Variants in NEURL1 observed in about 807,000 individuals in gnomAD.
The protein encoded by NEURL1 is neuralized E3 ubiquitin protein ligase 1.
A neutral mutation model predicts 41.2 loss-of-function variants in NEURL1; 26 were observed. The observed-to-expected ratio is 0.63, with a 90% CI of 0.46 to 0.87. NEURL1 has a LOEUF of 0.87. Ranked by LOEUF, NEURL1 falls within the 40% of genes least tolerant of loss-of-function variation. The pLI is 0.00. For synonymous variants in NEURL1, 400 were observed against 402.3 expected (o/e 0.99, Z 0.07); for missense variants, 761 against 871.1 (o/e 0.87, Z 1.59).
chr10:103,506,956 A>C (rs1024408472), intron 1 of NEURL1, among the ~76,000 whole-genome samples: 4 of 152,224 alleles, frequency 2.6e-5, no homozygotes, highest in Non-Finnish European at 5.9e-5. Context: ...GGCAGGTACC[A>C]AGCACAGGCA....
chr10:103,518,279 T>C (rs2034263273), intron 1 of NEURL1, among the ~76,000 whole-genome samples: 1 of 152,128 alleles, frequency 6.6e-6, no homozygotes, highest in Non-Finnish European at 1.5e-5. Flanking sequence ...TTGTGTAATA[T>C]GTATAGTATG....
chr10:103,494,285 C>T lies in NEURL1; in HGVS notation c.-103C>T. 1.1e-6 allele frequency: 1 copy of T among 918,122 alleles called. No individual in the cohort carries two copies. The highest frequency in any genetic ancestry group is 1.6e-6 in the Non-Finnish European group (1 of 624,058). The allele number at this position is 918,122 out of a possible 1,614,324, so 56.9% of individuals were successfully genotyped here. ...GGCTGCAGCCCCAGCAGGGCCCTCCCCCGGTGGCGCGCACCCGCGCGCGCA... is the reference window on the plus strand; with the variant it reads ...GGCTGCAGCCCCAGCAGGGCCCTCCTCCGGTGGCGCGCACCCGCGCGCGCA... On this transcript the variant is annotated 5_prime_UTR_variant, in exon 1 of 6. Coordinates refer to ENST00000369780, the MANE Select transcript of NEURL1 (RefSeq NM_004210.5).
intron 1 of NEURL1, among the ~76,000 whole-genome samples, chr10:103,534,540 A>C (rs140680229): frequency 1.3e-5 from 2 of 152,268 alleles, no homozygotes; most frequent in East Asian, 3.9e-4. Context: ...ATCAGCAATA[A>C]CTGTGAGCAC....
chr10:103,584,924 TGGCGCGCGGCCC>T lies in NEURL1; in HGVS notation c.1046_1057del (p.Arg349_Ala352del), dbSNP rs761346652. The T allele has an allele frequency of 1.4e-6, 2 of 1,452,182 alleles. No homozygotes were observed. The highest frequency in any genetic ancestry group is 3.0e-5 in the East Asian group (1 of 32,886). 90.0% of individuals were successfully genotyped at this position (1,452,182 alleles called of 1,614,324 possible). A position where few individuals can be genotyped will look rare whatever the true frequency, so the allele number is the denominator to read the frequency against. ...TCTTCGTCAAGGTCACGCGCTCGGG[TGGCGCGCGGCCC>T]GGCGCGCTGTCGTTCGGCGTCACCA... On this transcript the variant is annotated inframe_deletion, in exon 4 of 6. Coordinates refer to ENST00000369780, the MANE Select transcript of NEURL1 (RefSeq NM_004210.5).
intron 3 of NEURL1, among the ~76,000 whole-genome samples, chr10:103,581,366 C>T (rs979329626): frequency 6.6e-6 from 1 of 152,194 alleles, no homozygotes; most frequent in African/African-American, 2.4e-5. Flanking sequence ...ATGACTGTGC[C>T]AGGTCTCCTA....
intron 1 of NEURL1, among the ~76,000 whole-genome samples, chr10:103,565,796 G>T (rs1351052994): frequency 6.6e-6 from 1 of 152,114 alleles, no homozygotes; most frequent in Non-Finnish European, 1.5e-5. Context: ...GACTGCAGGT[G>T]TACACCACCA....
At chr10:103,495,206 A>G (rs1166235711) in intron 1 of NEURL1, among the ~76,000 whole-genome samples, 4 of 152,078 alleles carry the variant, frequency 2.6e-5, no homozygotes, top group Non-Finnish European at 5.9e-5. Flanking sequence ...TGGATCTTCC[A>G]ATGCTGTCTC....
intron 3 of NEURL1, among the ~76,000 whole-genome samples, chr10:103,578,638 G>A (rs931064978): frequency 2.6e-5 from 4 of 152,196 alleles, no homozygotes; most frequent in Admixed American, 2.0e-4. Context: ...ATGAGATCCC[G>A]TGGCTTGAAG....
chr10:103,529,553 T>G (rs1411025670), intron 1 of NEURL1, among the ~76,000 whole-genome samples: 1 of 152,240 alleles, frequency 6.6e-6, no homozygotes, highest in African/African-American at 2.4e-5. Flanking sequence ...AGTCAAAGCC[T>G]TGGTAAAAGA....
Position 103,584,732 on chromosome 10 carries a change from C to T in NEURL1, c.846C>T (p.His282=). 1 of 1,467,276 alleles carries T rather than the reference C, an allele frequency of 6.8e-7. No individual in the cohort carries two copies. The highest frequency in any genetic ancestry group is 9.0e-7 in the Non-Finnish European group (1 of 1,115,118). 90.9% of individuals were successfully genotyped at this position (1,467,276 alleles called of 1,614,324 possible). A position where few individuals can be genotyped will look rare whatever the true frequency, so the allele number is the denominator to read the frequency against. ...CGCAGAACTCACTCAACTCGCAGCA[C>T]AGCCGCGCGCTGCCGGCGCAGCTCG... ...PIPQNSLNSQ[H]SRALPAQLDG... The change falls in exon 4 of 6, where the codon CAC becomes CAT. Residue 282 remains histidine, a synonymous_variant. Transcript: ENST00000369780.
At chr10:103,526,986 G>T (rs957223043) in intron 1 of NEURL1, among the ~76,000 whole-genome samples, 4 of 151,608 alleles carry the variant, frequency 2.6e-5, no homozygotes, top group Non-Finnish European at 5.9e-5. Context: ...CAAAAGAATG[G>T]CTACTGCATA....
Position 103,558,444 on chromosome 10 carries a change from G to A in NEURL1, c.86-12428G>A, listed in dbSNP as rs942344836. Among the ~76,000 whole-genome samples, 1 of 151,950 alleles carries A rather than the reference G, an allele frequency of 6.6e-6. No individual in the cohort carries two copies. The highest frequency in any genetic ancestry group is 2.4e-5 in the African/African-American group (1 of 41,342). ...TGGATTGAAGCGACTGTGTGTTGCC[G>A]GGCCTGTGTTTCCATGCGGGGGCAG... is the stretch of plus-strand genomic sequence containing the variant. On this transcript the variant is annotated intron_variant, in intron 1 of 5. Transcript: ENST00000369780. The surrounding 1 kb of genome is among the most constrained non-coding windows in gnomAD (Gnocchi z 4.2).
rs1459718668 is a variant in NEURL1, at chr10:103,494,395, A to C, written c.8A>C (p.Asn3Thr). ...CTCCTGGGGCCGGATGCCATGGGTA[A>C]CAACTTCTCCAGTATCCCCTCGCTG... MG[N>T]NFSSIPSLPR... Residue 3 changes from asparagine (N) to threonine (T), a missense_variant, in exon 1 of 6, where the codon AAC becomes ACC. This residue lies in a region of NEURL1 where 94 missense variants were observed against 96.6 expected (regional missense o/e 0.97). Transcript: ENST00000369780. The C allele has an allele frequency of 1.3e-6, 2 of 1,592,202 alleles. No homozygotes were observed. Among genetic ancestry groups the C allele is most frequent in the Non-Finnish European group, 1.7e-6 (2 of 1,169,740 alleles).
Position 103,581,488 on chromosome 10 carries a change from G to A in NEURL1, c.650-3048G>A, listed in dbSNP as rs77520531. On this transcript the variant is annotated intron_variant, in intron 3 of 5. Coordinates refer to ENST00000369780, the MANE Select transcript of NEURL1 (RefSeq NM_004210.5). ...TAGATGCTGATTTCACTGCTGAAGA[G>A]GCCCCAAGAAGTTCAGCTATTTGTC... 8.7e-3 allele frequency among the ~76,000 whole-genome samples: 1,326 copies of A among 152,264 alleles called. 19 individuals carry two copies. The highest frequency in any genetic ancestry group is 0.03 in the African/African-American group (1,247 of 41,548).
intron 4 of NEURL1, among the ~76,000 whole-genome samples, chr10:103,587,933 A>C (rs1237927320): frequency 6.6e-6 from 1 of 152,216 alleles, no homozygotes; most frequent in Non-Finnish European, 1.5e-5. Context: ...AAAAGATCTC[A>C]TTGGGCACTT....
intron 1 of NEURL1, among the ~76,000 whole-genome samples, chr10:103,565,228 T>A (rs1182913769): frequency 6.6e-6 from 1 of 152,036 alleles, no homozygotes; most frequent in Non-Finnish European, 1.5e-5. Context: ...GAGCCCACAG[T>A]CCATGGCAGG....
chr10:103,523,604 C>G (rs1016483929), intron 1 of NEURL1, among the ~76,000 whole-genome samples: 6 of 152,154 alleles, frequency 3.9e-5, no homozygotes, highest in African/African-American at 1.4e-4. Flanking sequence ...ATCCCTCTCC[C>G]CCTTCCTTTT....
chr10:103,527,417 T>C (rs1184851024), intron 1 of NEURL1, among the ~76,000 whole-genome samples: 1 of 151,660 alleles, frequency 6.6e-6, no homozygotes, highest in Admixed American at 6.6e-5. Context: ...GCTTCAGCCT[T>C]CCAAGTAGCT....
chr10:103,557,204 G>A (rs1564820701), intron 1 of NEURL1, among the ~76,000 whole-genome samples: 1 of 152,112 alleles, frequency 6.6e-6, no homozygotes, highest in South Asian at 2.1e-4. Context: ...GAGGTGGGAG[G>A]ATTGCTTGAG....
Sources: allele counts gnomAD v4.1 joint callset (sites outside exome capture counted in the v4.1 genomes callset), GRCh38; gene constraint gnomAD v4.1.1; regional missense constraint gnomAD v4.1.1; non-coding constraint Gnocchi (gnomAD v3.1); transcripts MANE v1.5; gene names NCBI Gene and HGNC (gene_info 2026-07-23, HGNC 2026-07-21).